The following EIF2S1 variants were observed in gnomAD, a reference collection of about 807,000 sequenced individuals.
EIF2S1 encodes the protein eukaryotic translation initiation factor 2 subunit 1.
In EIF2S1, 5 loss-of-function variants were observed where a neutral mutation model predicts 33.5. That is an observed-to-expected ratio of 0.15 (90% CI 0.08 to 0.31). EIF2S1 has a LOEUF of 0.31. Ranked by LOEUF, EIF2S1 falls within the 10% of genes least tolerant of loss-of-function variation. The pLI is 1.00. For missense variants in EIF2S1, 191 were observed against 384.6 expected, an observed-to-expected ratio of 0.50 and a Z score of 4.21; for synonymous variants, 99 against 127.5, an observed-to-expected ratio of 0.78 and a Z score of 1.51.
intron 5 of EIF2S1, 127 bp from the exon 6 acceptor site, chr14:67,381,466 C>T: frequency 1.6e-6 from 1 of 613,162 alleles, no homozygotes; most frequent in Non-Finnish European, 2.8e-6. Context: ...TAAGGAACTG[C>T]AGTATAGAGA....
In EIF2S1 at chr14:67,380,707, A is replaced by G. The variant is rs1172348950; in HGVS notation, c.522A>G (p.Glu174=). Residue 174 remains glutamate, a synonymous_variant, in exon 5 of 8, where the codon GAA becomes GAG. Transcript: ENST00000256383. ...TAGATTTGAATGAAGATGAACGGGA[A>G]GTACTCATTAATAATATTAATAGGC... ...DSLDLNEDER[E]VLINNINRRL... is the part of the protein sequence containing the mutation. The G allele has an allele frequency of 3.2e-6, 5 of 1,587,274 alleles. No homozygotes were observed. Among genetic ancestry groups the G allele is most frequent in the African/African-American group, 1.4e-5 (1 of 73,452 alleles).
chr14:67,375,231 TCTG>T (rs2085850349), intron 3 of EIF2S1, among the ~76,000 whole-genome samples: 1 of 126,420 alleles, frequency 7.9e-6, no homozygotes, highest in Non-Finnish European at 1.6e-5. Context: ...CATCCTCAGT[TCTG>T]TGTGTGTGTG....
intron 1 of EIF2S1, among the ~76,000 whole-genome samples, chr14:67,361,293 C>G (rs566373017): frequency 6.6e-6 from 1 of 152,124 alleles, no homozygotes; most frequent in Non-Finnish European, 1.5e-5. Flanking sequence ...AGTTGTTATT[C>G]AAGGAACAAT....
intron 1 of EIF2S1, among the ~76,000 whole-genome samples, chr14:67,361,330 G>T (rs1465443163): frequency 6.6e-6 from 1 of 152,220 alleles, no homozygotes; most frequent in Non-Finnish European, 1.5e-5. Context: ...GGGGTGACTT[G>T]TACAGAACTT....
chr14:67,374,440 A>G, intron 2 of EIF2S1, 28 bp from the exon 3 acceptor site: 1 of 1,487,858 alleles, frequency 6.7e-7, no homozygotes, highest in East Asian at 2.3e-5. Context: ...CTGGACAGAG[A>G]TGATTTTTTC....
intron 6 of EIF2S1, 128 bp downstream of exon 6, chr14:67,381,818 T>G: frequency 1.7e-6 from 1 of 596,468 alleles, no homozygotes; most frequent in Non-Finnish European, 2.9e-6. Context: ...CTCTTAAAAT[T>G]GAGCAGTGGT....
chr14:67,364,539 A>T, intron 1 of EIF2S1: 1 of 429,946 alleles, frequency 2.3e-6, no homozygotes, highest in Non-Finnish European at 4.1e-6. Flanking sequence ...AAAGGCAGAG[A>T]ATCACCCAAG....
Position 67,385,233 on chromosome 14 carries a change from C to G in EIF2S1, c.*1793C>G, listed in dbSNP as rs2085914011. ...AGCAGGGACAAGATACATATGAGGA[C>G]AAGGTATACACCCAGTTCTGAATAA... On this transcript the variant is annotated 3_prime_UTR_variant, in exon 8 of 8. Coordinates refer to ENST00000256383, the MANE Select transcript of EIF2S1 (RefSeq NM_004094.5). 6.6e-6 allele frequency: 1 copy of G among 152,110 alleles called. No homozygotes were observed. The highest frequency in any genetic ancestry group is 1.5e-5 in the Non-Finnish European group (1 of 68,016). 9.4% of individuals were successfully genotyped at this position (152,110 alleles called of 1,614,324 possible).
At chr14:67,379,998 C>G (rs948665273) in intron 4 of EIF2S1, among the ~76,000 whole-genome samples, 1 of 151,922 alleles carries the variant, frequency 6.6e-6, no homozygotes, top group African/African-American at 2.4e-5. Flanking sequence ...CTCCAGTGAT[C>G]CCCCTGCCTC....
At chr14:67,372,360 T>A (rs893389042) in intron 2 of EIF2S1, among the ~76,000 whole-genome samples, 3 of 152,210 alleles carry the variant, frequency 2.0e-5, no homozygotes, top group African/African-American at 7.2e-5. Context: ...CAGGAATCTT[T>A]CTGACCTTGG....
chr14:67,360,540 C>T, intron 1 of EIF2S1, 84 bp downstream of exon 1: 1 of 249,284 alleles, frequency 4.0e-6, no homozygotes, highest in Non-Finnish European at 7.6e-6. Flanking sequence ...GGGTAGGCCC[C>T]GGGCTAATAC....
At chr14:67,375,842 T>A (rs2085855058) in intron 3 of EIF2S1, among the ~76,000 whole-genome samples, 2 of 152,234 alleles carry the variant, frequency 1.3e-5, no homozygotes, top group South Asian at 4.1e-4. Context: ...GAAAATTTCA[T>A]ATTTTTTTGT....
At chr14:67,382,027 A>G (rs2085890087) in intron 6 of EIF2S1, among the ~76,000 whole-genome samples, 1 of 152,078 alleles carries the variant, frequency 6.6e-6, no homozygotes, top group Admixed American at 6.5e-5. Flanking sequence ...TACACATACA[A>G]GTTTTATGAG....
intron 6 of EIF2S1, among the ~76,000 whole-genome samples, chr14:67,382,128 A>G (rs914249623): frequency 1.3e-5 from 2 of 152,120 alleles, no homozygotes; most frequent in Non-Finnish European, 2.9e-5. Flanking sequence ...GAGACAAATT[A>G]TCCATTATAC....
At chr14:67,378,720 T>C (rs531269746) in intron 4 of EIF2S1, among the ~76,000 whole-genome samples, 23 of 152,350 alleles carry the variant, frequency 1.5e-4, no homozygotes, top group African/African-American at 5.0e-4. Flanking sequence ...TTATTCCCTT[T>C]TCCTTAGCAC....
Position 67,381,613 on chromosome 14 carries a change from G to A in EIF2S1, c.601G>A (p.Gly201Ser). Residue 201 changes from glycine (G) to serine (S), a missense_variant, in exon 6 of 8, where the codon GGT (glycine) becomes AGT (serine). Gly to Ser is a moderately conservative substitution (Grantham distance 56, BLOSUM62 0). Coordinates refer to ENST00000256383, the MANE Select transcript of EIF2S1 (RefSeq NM_004094.5). ...IRADIEVACY[G>S]YEGIDAVKEA... The stretch of plus-strand genomic sequence containing the variant: ...TGTAGATATTGAAGTGGCTTGTTAT[G>A]GTTATGAAGGCATTGATGCTGTAAA... The A allele has an allele frequency of 6.2e-7, 1 of 1,613,248 alleles. No individual in the cohort carries two copies. Among genetic ancestry groups the A allele is most frequent in the Non-Finnish European group, 8.5e-7 (1 of 1,179,578 alleles).
At chr14:67,370,704 A>G (rs1178109436) in intron 2 of EIF2S1, among the ~76,000 whole-genome samples, 2 of 152,208 alleles carry the variant, frequency 1.3e-5, no homozygotes, top group African/African-American at 2.4e-5. Context: ...GAGAAATTGA[A>G]TTTATTGTAA....
At chr14:67,365,873 A>G (rs1336987897) in intron 2 of EIF2S1, among the ~76,000 whole-genome samples, 1 of 152,098 alleles carries the variant, frequency 6.6e-6, no homozygotes, top group Admixed American at 6.6e-5. Flanking sequence ...TTTTTTTATT[A>G]TAGCCTTAGA....
chr14:67,383,657 G>A lies in EIF2S1; in HGVS notation c.*217G>A, dbSNP rs969243033. 9.5e-6 allele frequency: 5 copies of A among 527,884 alleles called. No individual in the cohort carries two copies. Among genetic ancestry groups the A allele is most frequent in the African/African-American group, 1.9e-5 (1 of 51,406 alleles). 32.7% of individuals were successfully genotyped at this position (527,884 alleles called of 1,614,324 possible). ...CAACACTTTGAGCATTTTTAAGGGAGTGGCCTCATTTCACTAGAGACAAAT... is the reference window on the plus strand; with the variant it reads ...CAACACTTTGAGCATTTTTAAGGGAATGGCCTCATTTCACTAGAGACAAAT... On this transcript the variant is annotated 3_prime_UTR_variant, in exon 8 of 8. Coordinates refer to ENST00000256383, the MANE Select transcript of EIF2S1 (RefSeq NM_004094.5).
Sources: gnomAD v4.1 joint callset for allele counts (sites outside exome capture counted in the v4.1 genomes callset) on GRCh38, gnomAD v4.1.1 for gene constraint, MANE v1.5 for transcripts, NCBI Gene and HGNC (gene_info 2026-07-23, HGNC 2026-07-21) for gene names.